RPTOR: variants seen among roughly 807,000 people sequenced by gnomAD.
The protein encoded by RPTOR is regulatory-associated protein of mTOR.
Under a neutral mutation model 169.9 loss-of-function variants are expected in RPTOR, and 21 were observed. That is an observed-to-expected ratio of 0.12 (90% CI 0.09 to 0.18). The LOEUF (loss-of-function observed/expected upper bound fraction) is 0.18, where lower values mean the gene tolerates loss of function less well. Ranked by LOEUF, RPTOR falls within the 10% of genes least tolerant of loss-of-function variation. RPTOR has a pLI of 1.00. For missense variants in RPTOR, 1,133 were observed against 1,855.9 expected, an observed-to-expected ratio of 0.61 and a Z score of 7.16; for synonymous variants, 732 against 753.2, an observed-to-expected ratio of 0.97 and a Z score of 0.46.
intron 2 of RPTOR, among the ~76,000 whole-genome samples, chr17:80,632,596 T>G (rs2143555019): frequency 6.6e-6 from 1 of 152,338 alleles, no homozygotes. Context: ...TTCTAATAAT[T>G]TCAAGTGAAT....
intron 28 of RPTOR, among the ~76,000 whole-genome samples, chr17:80,949,862 G>T (rs1214368238): frequency 6.6e-6 from 1 of 152,230 alleles, no homozygotes; most frequent in African/African-American, 2.4e-5. Context: ...GGGCCTAAAG[G>T]GCCCGCATCA....
At chr17:80,928,626 G>GA (rs1345250215) in intron 24 of RPTOR, among the ~76,000 whole-genome samples, 1 of 152,226 alleles carries the variant, frequency 6.6e-6, no homozygotes, top group African/African-American at 2.4e-5. Flanking sequence ...CGTATGACTA[G>GA]AAAGAGCCGT....
In RPTOR at chr17:80,923,705, C is replaced by T. The variant is rs551062014; in HGVS notation, c.2808+32C>T. 1.8e-4 allele frequency: 275 copies of T among 1,533,632 alleles called. 1 individual carries two copies. In the South Asian group the frequency reaches 2.9e-3, roughly 16 times the overall value. The stretch of plus-strand genomic sequence containing the variant: ...GAGCCCGGCTGCCTGGTGATCTGGA[C>T]ACTGAGAGCGTTGCTTCTCAGATGG... On this transcript the variant is annotated intron_variant, in intron 23 of 33. Transcript: ENST00000306801.
chr17:80,812,793 C>T (rs972496869), intron 7 of RPTOR, among the ~76,000 whole-genome samples: 5 of 152,218 alleles, frequency 3.3e-5, no homozygotes, highest in African/African-American at 9.6e-5. Flanking sequence ...TGCCGTTACC[C>T]GCAAGGGAGC....
At chr17:80,706,040 T>C (rs2066139497) in intron 3 of RPTOR, among the ~76,000 whole-genome samples, 1 of 152,256 alleles carries the variant, frequency 6.6e-6, no homozygotes, top group South Asian at 2.1e-4. Context: ...GATCATGGCA[T>C]TGGCCTTACT....
At chr17:80,687,457 C>T (rs1415270045) in intron 3 of RPTOR, among the ~76,000 whole-genome samples, 1 of 152,222 alleles carries the variant, frequency 6.6e-6, no homozygotes, top group Non-Finnish European at 1.5e-5. Context: ...TCTGCCCACA[C>T]TGTATCTATC....
chr17:80,888,066 C>T (rs1429747960), intron 17 of RPTOR, among the ~76,000 whole-genome samples: 4 of 152,200 alleles, frequency 2.6e-5, no homozygotes, highest in Non-Finnish European at 5.9e-5. Flanking sequence ...TTACTCCCTC[C>T]CTGTCATGGC....
intron 2 of RPTOR, among the ~76,000 whole-genome samples, chr17:80,630,913 G>A (rs2065437091): frequency 6.6e-6 from 1 of 152,182 alleles, no homozygotes; most frequent in South Asian, 2.1e-4. Flanking sequence ...AGTGGTGGGA[G>A]TTCTCTGTGG....
chr17:80,957,891 G>C lies in RPTOR; in HGVS notation c.3477+161G>C, dbSNP rs952343802. 3.9e-5 allele frequency among the ~76,000 whole-genome samples: 6 copies of C among 152,154 alleles called. No individual in the cohort carries two copies. The highest frequency in any genetic ancestry group is 1.3e-4 in the Admixed American group (2 of 15,282). ...TGCCGGGACAATGCTGGGAGGAGACGTGGGCTCCCTGAGGCCTCTGGATGA... is the reference window on the plus strand; with the variant it reads ...TGCCGGGACAATGCTGGGAGGAGACCTGGGCTCCCTGAGGCCTCTGGATGA... On this transcript the variant is annotated intron_variant, in intron 29 of 33. Coordinates refer to ENST00000306801, the MANE Select transcript of RPTOR (RefSeq NM_020761.3). This position sits in a 1 kb window ranked among gnomAD's most constrained non-coding sequence, Gnocchi z 4.6.
chr17:80,954,273 T>A (rs1386020221), intron 28 of RPTOR, among the ~76,000 whole-genome samples: 2 of 152,108 alleles, frequency 1.3e-5, no homozygotes, highest in Admixed American at 1.3e-4. Flanking sequence ...AGGCACCCAC[T>A]GCCACACCCA....
intron 3 of RPTOR, among the ~76,000 whole-genome samples, chr17:80,694,715 T>C (rs1468540678): frequency 3.9e-5 from 6 of 152,176 alleles, no homozygotes; most frequent in Non-Finnish European, 1.5e-5. Flanking sequence ...GTGGTATTGG[T>C]CGGAGTTGCT....
intron 24 of RPTOR, among the ~76,000 whole-genome samples, chr17:80,931,185 AC>A (rs1413560068): frequency 8.5e-5 from 13 of 152,126 alleles, no homozygotes; most frequent in Admixed American, 8.5e-4. Context: ...TGGAAAGAGC[AC>A]CACTCCCACC....
intron 13 of RPTOR, among the ~76,000 whole-genome samples, chr17:80,875,075 G>A (rs556254298): frequency 7.9e-5 from 12 of 152,210 alleles, no homozygotes; most frequent in Admixed American, 2.0e-4. Context: ...CGTCAGGCAC[G>A]GTGGTCTGTT....
intron 1 of RPTOR, among the ~76,000 whole-genome samples, chr17:80,566,447 A>G (rs2064841473): frequency 6.6e-6 from 1 of 152,198 alleles, no homozygotes; most frequent in Non-Finnish European, 1.5e-5. Context: ...ACATAAATAA[A>G]ATAATTATAT....
intron 6 of RPTOR, among the ~76,000 whole-genome samples, chr17:80,776,879 G>A (rs917731032): frequency 3.3e-5 from 5 of 152,160 alleles, no homozygotes; most frequent in African/African-American, 1.2e-4. Context: ...GACAGAGAAG[G>A]CCCCACAGTG....
At chr17:80,615,969 C>T (rs2065306709) in intron 1 of RPTOR, among the ~76,000 whole-genome samples, 1 of 152,088 alleles carries the variant, frequency 6.6e-6, no homozygotes, top group Non-Finnish European at 1.5e-5. Flanking sequence ...TTGGCCCAAG[C>T]AGAAGGCTGG....
chr17:80,955,299 C>T (rs2069234321), intron 28 of RPTOR, among the ~76,000 whole-genome samples: 1 of 152,230 alleles, frequency 6.6e-6, no homozygotes, highest in South Asian at 2.1e-4. Flanking sequence ...CCCAGAAGGG[C>T]CGCAAGTGGC....
chr17:80,779,190 T>A (rs1277645023), intron 6 of RPTOR, among the ~76,000 whole-genome samples: 2 of 152,224 alleles, frequency 1.3e-5, no homozygotes, highest in East Asian at 3.9e-4. Flanking sequence ...CTGGAGCTCA[T>A]GTGTGCGCCC....
At position 80,956,460 on chromosome 17, in the gene RPTOR, G is replaced by A. The variant is rs371494328; in HGVS notation, c.3371-1164G>A. ...TTCTCTCCGTCCATCCCTTGCTGAC[G>A]CCAGCCGTCGGGAGTCAGCCCCTTG... On this transcript the variant is annotated intron_variant, in intron 28 of 33. Coordinates refer to ENST00000306801, the MANE Select transcript of RPTOR (RefSeq NM_020761.3). Among the ~76,000 whole-genome samples the A allele has an allele frequency of 5.4e-4, 83 of 152,382 alleles. 1 individual carries two copies. In the South Asian group the frequency reaches 0.011, roughly 21 times the overall value.
Sources: allele counts gnomAD v4.1 joint callset (sites outside exome capture counted in the v4.1 genomes callset), GRCh38; gene constraint gnomAD v4.1.1; non-coding constraint Gnocchi (gnomAD v3.1); transcripts MANE v1.5; gene names NCBI Gene and HGNC (gene_info 2026-07-23, HGNC 2026-07-21).